SLC39A9: variants seen among roughly 807,000 people sequenced by gnomAD.
SLC39A9 encodes the protein solute carrier family 39 member 9.
In SLC39A9, 14 loss-of-function variants were observed where a neutral mutation model predicts 28.4. That is an observed-to-expected ratio of 0.49 (90% CI 0.33 to 0.77). The LOEUF (loss-of-function observed/expected upper bound fraction) is 0.77. SLC39A9 is among the 30% of genes least tolerant of loss of function. The probability of loss-of-function intolerance (pLI) is 0.02; values close to 1 mark genes in which losing one functional copy is unlikely to be tolerated. For missense variants in SLC39A9, 283 were observed against 381.1 expected (o/e 0.74, Z 2.14); for synonymous variants, 119 against 149.6 (o/e 0.80, Z 1.49).
intron 4 of SLC39A9, among the ~76,000 whole-genome samples, chr14:69,454,281 C>A (rs988436241): frequency 1.3e-5 from 2 of 151,984 alleles, no homozygotes; most frequent in Non-Finnish European, 2.9e-5. Flanking sequence ...TTATTTATTT[C>A]TTTTTTTGAG....
In SLC39A9 at chr14:69,399,482, T is replaced by C; in HGVS notation, c.96+17T>C. ...TTCTCAGAGGTAAGAAATTCTCAAT[T>C]TTCTGTCAGCTGTCAGGATGGCTGT... On this transcript the variant is annotated intron_variant, in intron 1 of 6. Coordinates refer to ENST00000336643, the MANE Select transcript of SLC39A9 (RefSeq NM_018375.5). 2 of 1,607,828 alleles carry C rather than the reference T, an allele frequency of 1.2e-6. No individual in the cohort carries two copies. Among genetic ancestry groups the C allele is most frequent in the Non-Finnish European group, 1.7e-6 (2 of 1,174,722 alleles).
At position 69,459,145 on chromosome 14, in the gene SLC39A9, A is replaced by G; in HGVS notation, c.*552A>G. ...GTTAATCTGGGATTAGGGTCAGGAA[A>G]ATGATAGCAAGACACATTGAAAGCT... On this transcript the variant is annotated 3_prime_UTR_variant, in exon 7 of 7. Transcript: ENST00000336643. 5 of 986,144 alleles carry G rather than the reference A, an allele frequency of 5.1e-6. No homozygotes were observed. The highest frequency in any genetic ancestry group is 6.0e-6 in the Non-Finnish European group (5 of 830,236). 61.1% of individuals were successfully genotyped at this position (986,144 alleles called of 1,614,324 possible). A position where few individuals can be genotyped will look rare whatever the true frequency, so the allele number is the denominator to read the frequency against.
chr14:69,431,418 T>TA (rs1555407741), intron 2 of SLC39A9, among the ~76,000 whole-genome samples: 14 of 151,938 alleles, frequency 9.2e-5, no homozygotes, highest in South Asian at 2.1e-4. Flanking sequence ...TTTTTTTTTT[T>TA]ACCTTCCTTA....
intron 2 of SLC39A9, among the ~76,000 whole-genome samples, chr14:69,430,784 C>G (rs1321831633): frequency 6.6e-6 from 1 of 152,064 alleles, no homozygotes; most frequent in Non-Finnish European, 1.5e-5. Flanking sequence ...GTGCATGCCA[C>G]CATGTCTGGC....
At chr14:69,415,382 T>C (rs1327382406) in intron 1 of SLC39A9, among the ~76,000 whole-genome samples, 1 of 152,250 alleles carries the variant, frequency 6.6e-6, no homozygotes, top group Non-Finnish European at 1.5e-5. Flanking sequence ...GACTAAATGA[T>C]GTTGAGCACC....
chr14:69,457,469 G>A (rs577116504), intron 6 of SLC39A9, among the ~76,000 whole-genome samples: 1 of 152,138 alleles, frequency 6.6e-6, no homozygotes, highest in Non-Finnish European at 1.5e-5. Flanking sequence ...CCAAAGTGCT[G>A]GGATTACAGG....
intron 2 of SLC39A9, among the ~76,000 whole-genome samples, chr14:69,434,867 TTTTAAAATTTGG>T (rs1352140129): frequency 1.3e-5 from 2 of 152,200 alleles, no homozygotes; most frequent in Non-Finnish European, 2.9e-5. Context: ...GAGTGGTGGT[TTTTAAAATTTGG>T]TTGGTTGCTT....
chr14:69,400,077 A>C (rs559609890), intron 1 of SLC39A9, among the ~76,000 whole-genome samples: 1 of 152,320 alleles, frequency 6.6e-6, no homozygotes, highest in Admixed American at 6.5e-5. Flanking sequence ...AGAAAAAAAA[A>C]GAAATGGAGA....
In SLC39A9 at chr14:69,460,116, A is replaced by G; in HGVS notation, c.*1523A>G. On this transcript the variant is annotated 3_prime_UTR_variant, in exon 7 of 7. Transcript: ENST00000336643. ...GTGTATAATATTGTATTATTAATTTATTTTTACTTTCTATACCATTTCAAA... is the reference window on the plus strand; with the variant it reads ...GTGTATAATATTGTATTATTAATTTGTTTTTACTTTCTATACCATTTCAAA... 1.0e-6 allele frequency: 1 copy of G among 982,458 alleles called. No individual in the cohort carries two copies. Among genetic ancestry groups the G allele is most frequent in the Non-Finnish European group, 1.2e-6 (1 of 826,890 alleles). 60.9% of individuals were successfully genotyped at this position (982,458 alleles called of 1,614,324 possible).
At chr14:69,435,953 G>T (rs960539271) in intron 2 of SLC39A9, among the ~76,000 whole-genome samples, 47 of 152,086 alleles carry the variant, frequency 3.1e-4, no homozygotes, top group Admixed American at 3.0e-3. Flanking sequence ...GATTATAGGC[G>T]TGAGCCACTG....
intron 3 of SLC39A9, among the ~76,000 whole-genome samples, chr14:69,448,214 CAAAA>C (rs34195562): frequency 1.1e-5 from 1 of 87,226 alleles, no homozygotes; most frequent in Non-Finnish European, 2.1e-5. Context: ...GACTCTGTCT[CAAAA>C]AAAAAAAAAA....
intron 2 of SLC39A9, among the ~76,000 whole-genome samples, chr14:69,434,350 C>T (rs1175424675): frequency 6.6e-6 from 1 of 151,302 alleles, no homozygotes; most frequent in Admixed American, 6.6e-5. Flanking sequence ...TCCCAGAGTA[C>T]TGGGATTACA....
At chr14:69,412,108 G>A (rs900644287) in intron 1 of SLC39A9, among the ~76,000 whole-genome samples, 8 of 151,618 alleles carry the variant, frequency 5.3e-5, no homozygotes, top group Admixed American at 1.3e-4. Flanking sequence ...TGTATTTGCC[G>A]GCTGGGCACA....
chr14:69,454,652 T>C (rs1885775864), intron 4 of SLC39A9, 160 bp from the exon 5 acceptor site: 1 of 524,020 alleles, frequency 1.9e-6, no homozygotes, highest in East Asian at 3.0e-5. Context: ...AAATACATAC[T>C]TCATTGAACA....
At chr14:69,399,533 G>A in intron 1 of SLC39A9, 68 bp downstream of exon 1, 6 of 1,274,206 alleles carry the variant, frequency 4.7e-6, no homozygotes, top group Non-Finnish European at 6.8e-6. Context: ...GTTGCAAAGG[G>A]AAGCTGCTTC....
chr14:69,434,064 C>A (rs1884622627), intron 2 of SLC39A9, among the ~76,000 whole-genome samples: 1 of 149,428 alleles, frequency 6.7e-6, no homozygotes, highest in Non-Finnish European at 1.5e-5. Flanking sequence ...AGATTACAGG[C>A]ATGTAATTCT....
intron 2 of SLC39A9, among the ~76,000 whole-genome samples, chr14:69,439,158 G>C (rs1011875133): frequency 6.6e-6 from 1 of 152,040 alleles, no homozygotes; most frequent in South Asian, 2.1e-4. Context: ...ATTTGAAAAA[G>C]AAACTATGAA....
At chr14:69,417,466 G>C (rs930719670) in intron 1 of SLC39A9, among the ~76,000 whole-genome samples, 3 of 152,026 alleles carry the variant, frequency 2.0e-5, no homozygotes, top group African/African-American at 7.2e-5. Context: ...CCTGTTTTTT[G>C]GTTCTATATG....
Position 69,412,390 on chromosome 14 carries a change from AAAATAAATAAATAAAT to A in SLC39A9, c.97-11671_97-11656del, listed in dbSNP as rs201794769. Among the ~76,000 whole-genome samples the A allele has an allele frequency of 2.5e-3, 361 of 142,260 alleles. 2 individuals are homozygous for A. The highest frequency in any genetic ancestry group is 8.5e-3 in the African/African-American group (318 of 37,588). 93.3% of individuals were successfully genotyped at this position (142,260 alleles called of 152,430 possible). A position where few individuals can be genotyped will look rare whatever the true frequency, so the allele number is the denominator to read the frequency against. On this transcript the variant is annotated intron_variant, in intron 1 of 6. Coordinates refer to ENST00000336643, the MANE Select transcript of SLC39A9 (RefSeq NM_018375.5). ...GGCGACAGAGCAAGACTCCATCTCAAAAATAAATAAATAAATAAATAAATAAATAAATAAATAAATA... is the reference window on the plus strand; with the variant it reads ...GGCGACAGAGCAAGACTCCATCTCAAAAATAAATAAATAAATAAATAAATA...
Sources: allele counts gnomAD v4.1 joint callset (sites outside exome capture counted in the v4.1 genomes callset), GRCh38; gene constraint gnomAD v4.1.1; transcripts MANE v1.5; gene names NCBI Gene and HGNC (gene_info 2026-07-23, HGNC 2026-07-21).